The following TRAPPC9 variants were observed in gnomAD, a reference collection of about 807,000 sequenced individuals.
The protein encoded by TRAPPC9 is IKK2 binding protein.
In TRAPPC9, 83 loss-of-function variants were observed where a neutral mutation model predicts 124.0. That is an observed-to-expected ratio of 0.67 (90% CI 0.56 to 0.80). The LOEUF (loss-of-function observed/expected upper bound fraction) is 0.80. Ranked by LOEUF, TRAPPC9 falls within the 30% of genes least tolerant of loss-of-function variation. The probability of loss-of-function intolerance (pLI) is 0.00; values close to 1 mark genes in which losing one functional copy is unlikely to be tolerated. For missense variants in TRAPPC9, 1,302 were observed against 1,508.3 expected, an observed-to-expected ratio of 0.86 and a Z score of 2.27; for synonymous variants, 638 against 617.5, an observed-to-expected ratio of 1.03 and a Z score of -0.49.
At chr8:139,963,678 T>C (rs1327036887) in intron 19 of TRAPPC9, among the ~76,000 whole-genome samples, 4 of 143,904 alleles carry the variant, frequency 2.8e-5, no homozygotes, top group African/African-American at 1.0e-4. Context: ...GCAAAGCCAT[T>C]TGATAGATGT....
chr8:139,746,618 C>T lies in TRAPPC9; in HGVS notation c.3056-14416G>A, dbSNP rs576785046. Reference sequence around the variant, plus strand: ...TGTGGAGCCTGGGTCCCCAGGTGAGCGCCAAAAAGCTGCCTGCACCAAGAA... The same window carrying T: ...TGTGGAGCCTGGGTCCCCAGGTGAGTGCCAAAAAGCTGCCTGCACCAAGAA... On this transcript the variant is annotated intron_variant, in intron 21 of 22. Transcript: ENST00000438773. Among the ~76,000 whole-genome samples, 8 of 152,252 alleles carry T rather than the reference C, an allele frequency of 5.3e-5. No individual in the cohort carries two copies. In the East Asian group the frequency reaches 7.7e-4, roughly 15 times the overall value.
intron 18 of TRAPPC9, among the ~76,000 whole-genome samples, chr8:140,000,912 A>T (rs1197025747): frequency 6.6e-6 from 1 of 152,170 alleles, no homozygotes; most frequent in Non-Finnish European, 1.5e-5. Context: ...AAATCATGCT[A>T]CTCTAAAGAC....
At chr8:140,064,286 T>C (rs910759795) in intron 17 of TRAPPC9, among the ~76,000 whole-genome samples, 7 of 152,216 alleles carry the variant, frequency 4.6e-5, no homozygotes, top group Non-Finnish European at 8.8e-5. Flanking sequence ...TTTTCTGGTT[T>C]TACAACGTGA....
intron 18 of TRAPPC9, among the ~76,000 whole-genome samples, chr8:140,014,112 C>T (rs755020819): frequency 3.3e-5 from 5 of 152,162 alleles, no homozygotes; most frequent in African/African-American, 4.8e-5. Flanking sequence ...GGGAAAGTGA[C>T]GAAGGCCTCG....
intron 19 of TRAPPC9, among the ~76,000 whole-genome samples, chr8:139,955,999 G>T (rs769110360): frequency 6.6e-6 from 1 of 152,144 alleles, no homozygotes; most frequent in Non-Finnish European, 1.5e-5. Flanking sequence ...TTCTCCCGCC[G>T]TGTGGCTGGA....
chr8:140,239,062 G>T (rs1157050626), intron 16 of TRAPPC9, among the ~76,000 whole-genome samples: 1 of 152,174 alleles, frequency 6.6e-6, no homozygotes. Context: ...GGAGAAAGCT[G>T]CTCCTTGGAG....
chr8:140,368,496 G>T (rs1185934906), intron 8 of TRAPPC9, among the ~76,000 whole-genome samples: 1 of 152,042 alleles, frequency 6.6e-6, no homozygotes, highest in African/African-American at 2.4e-5. Flanking sequence ...TAAAAACTGG[G>T]GATTTATATG....
chr8:140,311,961 G>C (rs1041579809), intron 9 of TRAPPC9, among the ~76,000 whole-genome samples: 2 of 152,190 alleles, frequency 1.3e-5, no homozygotes, highest in Non-Finnish European at 2.9e-5. Flanking sequence ...GCACAGTCTA[G>C]ACAGGCCACG....
chr8:140,196,808 C>T (rs1241716001), intron 17 of TRAPPC9, among the ~76,000 whole-genome samples: 1 of 152,104 alleles, frequency 6.6e-6, no homozygotes, highest in African/African-American at 2.4e-5. Context: ...ACACACTCAA[C>T]TATCCACTGT....
chr8:139,855,156 G>A (rs2130949445), intron 21 of TRAPPC9, among the ~76,000 whole-genome samples: 3 of 152,342 alleles, frequency 2.0e-5, no homozygotes, highest in Middle Eastern at 6.8e-3. Flanking sequence ...GAGCTGGGCT[G>A]CAGATCAAAA....
chr8:140,190,978 T>G (rs1321447993), intron 17 of TRAPPC9, among the ~76,000 whole-genome samples: 2 of 152,072 alleles, frequency 1.3e-5, no homozygotes, highest in Non-Finnish European at 2.9e-5. Flanking sequence ...AGGACCAAAG[T>G]CACGTCTGCT....
chr8:139,828,045 T>A (rs1825752876), intron 21 of TRAPPC9, among the ~76,000 whole-genome samples: 1 of 151,894 alleles, frequency 6.6e-6, no homozygotes, highest in African/African-American at 2.4e-5. Context: ...TCCAAACACC[T>A]CCCACCAGGC....
intron 17 of TRAPPC9, among the ~76,000 whole-genome samples, chr8:140,167,915 C>T (rs775226303): frequency 2.0e-5 from 3 of 152,158 alleles, no homozygotes; most frequent in South Asian, 2.1e-4. Context: ...CAAAGAGCAA[C>T]GGTAACTCCG....
chr8:139,881,302 T>G (rs1033239507), intron 21 of TRAPPC9: 1 of 152,224 alleles, frequency 6.6e-6, no homozygotes, highest in Non-Finnish European at 1.5e-5. Flanking sequence ...TCACTAGTCT[T>G]TTTAGGGAAT....
chr8:139,830,428 CA>C (rs1386958058), intron 21 of TRAPPC9, among the ~76,000 whole-genome samples: 1 of 151,992 alleles, frequency 6.6e-6, no homozygotes, highest in Non-Finnish European at 1.5e-5. Context: ...TGAGCATATG[CA>C]CGCAAATACA....
chr8:140,389,565 A>G (rs964678943), intron 7 of TRAPPC9, among the ~76,000 whole-genome samples: 6 of 152,206 alleles, frequency 3.9e-5, no homozygotes, highest in African/African-American at 1.4e-4. Flanking sequence ...TGCCTGGTCT[A>G]TGACAAGTAT....
chr8:139,759,068 G>A lies in TRAPPC9; in HGVS notation c.3056-26866C>T, dbSNP rs144145898. On this transcript the variant is annotated intron_variant, in intron 21 of 22. Transcript: ENST00000438773. The stretch of plus-strand genomic sequence containing the variant: ...GTGGTAGAGGTGTTGATGGCAACTG[G>A]TGAGTGGGCCGGGTGCTGCTTCAGC... Among the ~76,000 whole-genome samples the A allele has an allele frequency of 1.4e-3, 215 of 152,128 alleles. 1 individual carries two copies. Among genetic ancestry groups the A allele is most frequent in the African/African-American group, 4.9e-3 (203 of 41,558 alleles).
intron 19 of TRAPPC9, among the ~76,000 whole-genome samples, chr8:139,935,714 T>C (rs1430534993): frequency 1.3e-5 from 2 of 151,670 alleles, no homozygotes; most frequent in Admixed American, 1.3e-4. Context: ...GCTCAACTTA[T>C]TTGCCGTATG....
At chr8:140,121,984 AGGCTCAT>A (rs1252373478) in intron 17 of TRAPPC9, among the ~76,000 whole-genome samples, 3 of 151,638 alleles carry the variant, frequency 2.0e-5, no homozygotes, top group Non-Finnish European at 4.4e-5. Flanking sequence ...ATGAGACTGT[AGGCTCAT>A]GTTGCTGGAG....
Sources: gnomAD v4.1 joint callset for allele counts (sites outside exome capture counted in the v4.1 genomes callset) on GRCh38, gnomAD v4.1.1 for gene constraint, MANE v1.5 for transcripts, NCBI Gene and HGNC (gene_info 2026-07-23, HGNC 2026-07-21) for gene names.